SUN2: variants seen among roughly 807,000 people sequenced by gnomAD.
SUN2 encodes SUN domain-containing protein 2.
Under a neutral mutation model 100.0 loss-of-function variants are expected in SUN2, and 60 were observed. That is an observed-to-expected ratio of 0.60 (90% confidence interval 0.49 to 0.74). The LOEUF (loss-of-function observed/expected upper bound fraction) is 0.74. SUN2 is among the 30% of genes least tolerant of loss of function. The pLI, the probability that SUN2 is intolerant of heterozygous loss-of-function variation, is 0.00. For synonymous variants in SUN2, 367 were observed against 403.3 expected (o/e 0.91, Z 1.08); for missense variants, 834 against 954.6 (o/e 0.87, Z 1.66).
chr22:38,754,905 T>A, intron 1 of SUN2: 1 of 1,289,210 alleles, frequency 7.8e-7, no homozygotes, highest in South Asian at 1.2e-5. Context: ...TACCATTGAG[T>A]CTGGGTTTCA....
chr22:38,739,296 T>C lies in SUN2; in HGVS notation c.1663+46A>G. Reference sequence around the variant, plus strand: ...CTGGTAGATGCCAGGGGACCGGCCATTGCGGGGTCCAGGACAAGGCAGAGC... The same window carrying C: ...CTGGTAGATGCCAGGGGACCGGCCACTGCGGGGTCCAGGACAAGGCAGAGC... On this transcript the variant is annotated intron_variant, in intron 14 of 17. Coordinates refer to ENST00000689035, the MANE Select transcript of SUN2 (RefSeq NM_015374.3). This position sits in a 1 kb window ranked among gnomAD's most constrained non-coding sequence, Gnocchi z 6.7. 1.3e-6 allele frequency: 2 copies of C among 1,594,388 alleles called. No individual in the cohort carries two copies. The highest frequency in any genetic ancestry group is 4.5e-5 in the East Asian group (2 of 44,786).
In SUN2 at chr22:38,740,713, G is replaced by A. The variant is rs1306200755; in HGVS notation, c.1191-281C>T. On this transcript the variant is annotated intron_variant, in intron 11 of 17. Coordinates refer to ENST00000689035, the MANE Select transcript of SUN2 (RefSeq NM_015374.3). This position sits in a 1 kb window ranked among gnomAD's most constrained non-coding sequence, Gnocchi z 4.8. ...ATCCTCCACAAGCATGGACATCTGG[G>A]GCATGAGAAGGCAGTTATGTGAGGC... The A allele has an allele frequency of 1.4e-5, 8 of 583,386 alleles. No homozygotes were observed. Among genetic ancestry groups the A allele is most frequent in the African/African-American group, 3.7e-5 (2 of 53,578 alleles). 36.1% of individuals were successfully genotyped at this position (583,386 alleles called of 1,614,324 possible).
chr22:38,754,251 G>A (rs909305739), intron 1 of SUN2, among the ~76,000 whole-genome samples: 1 of 152,196 alleles, frequency 6.6e-6, no homozygotes, highest in African/African-American at 2.4e-5. Flanking sequence ...CTGCTGGCCC[G>A]TACAACAAAG....
intron 1 of SUN2, chr22:38,754,619 T>TGGGGGG: frequency 2.3e-6 from 1 of 441,844 alleles, no homozygotes; most frequent in Non-Finnish European, 3.7e-6. Context: ...CCCCCCTCCC[T>TGGGGGG]GCCCCGCCCG....
chr22:38,742,105 TGCACTCCAG>T (rs939862132), intron 9 of SUN2, among the ~76,000 whole-genome samples, 187 bp downstream of exon 9: 2 of 150,606 alleles, frequency 1.3e-5, no homozygotes, highest in Non-Finnish European at 2.9e-5. Flanking sequence ...ATCACGCCAC[TGCACTCCAG>T]GCTGGGTGAC....
intron 1 of SUN2, chr22:38,754,603 T>TGGGGGGGGGGCCGG: frequency 1.1e-6 from 1 of 889,150 alleles, no homozygotes; most frequent in Non-Finnish European, 1.6e-6. Flanking sequence ...TAAGGTAATC[T>TGGGGGGGGGGCCGG]CCCCTCCCCC....
chr22:38,746,246 G>A (rs903004923), intron 7 of SUN2, among the ~76,000 whole-genome samples: 1 of 152,142 alleles, frequency 6.6e-6, no homozygotes, highest in Non-Finnish European at 1.5e-5. Flanking sequence ...AGGTGAGTTT[G>A]TAAAGCTTCC....
chr22:38,736,531 C>T, intron 17 of SUN2, 151 bp from the exon 18 acceptor site: 2 of 581,876 alleles, frequency 3.4e-6, no homozygotes, highest in South Asian at 4.8e-5. Context: ...TCAAAAGCTC[C>T]TATCTTTAGC....
rs750919858 is a variant in SUN2, at chr22:38,750,254, G to A, written c.491C>T (p.Ser164Phe). Residue 164 changes from serine (S) to phenylalanine (F), a missense_variant, in exon 5 of 18, where the codon TCC (serine) becomes TTC (phenylalanine). By Grantham distance (155) the Ser-to-Phe change is radical. This residue lies in a region of SUN2 where 559 missense variants were observed against 597.7 expected (regional missense o/e 0.94). Coordinates refer to ENST00000689035, the MANE Select transcript of SUN2 (RefSeq NM_015374.3). The stretch of plus-strand genomic sequence containing the variant: ...CGAAGTGGCCACCATCCAGAGTAAG[G>A]AGCCCGCCCGTGAGACGGCGCTTCG... ...RLRSAVSRAGSLLWMVATSPG... is the reference protein window; with the variant it reads ...RLRSAVSRAGFLLWMVATSPG... The A allele has an allele frequency of 1.9e-6, 3 of 1,613,710 alleles. No individual in the cohort carries two copies. The highest frequency in any genetic ancestry group is 1.7e-5 in the Admixed American group (1 of 60,028).
At position 38,736,259 on chromosome 22, in the gene SUN2, A is replaced by G. The variant is rs1255819599; in HGVS notation, c.*8T>C. On this transcript the variant is annotated 3_prime_UTR_variant, in exon 18 of 18. Transcript: ENST00000689035. Reference sequence around the variant, plus strand: ...CAGATGGCTGGCAGCAGGCACCAGTAAGCAGGGCTAGTGGGCGGGCTCCCC... The same window carrying G: ...CAGATGGCTGGCAGCAGGCACCAGTGAGCAGGGCTAGTGGGCGGGCTCCCC... 2.5e-6 allele frequency: 4 copies of G among 1,609,388 alleles called. No individual in the cohort carries two copies. The highest frequency in any genetic ancestry group is 3.4e-6 in the Non-Finnish European group (4 of 1,177,244).
In SUN2 at chr22:38,738,148, C is replaced by A. The variant is rs1273324793; in HGVS notation, c.2040+25G>T. ...CCTGGATGGGGAGTCTGCGCCACTTCTGCTAGCACAGCAGCATCCCGTACC... is the reference window on the plus strand; with the variant it reads ...CCTGGATGGGGAGTCTGCGCCACTTATGCTAGCACAGCAGCATCCCGTACC... On this transcript the variant is annotated intron_variant, in intron 17 of 17. Transcript: ENST00000689035. This position sits in a 1 kb window ranked among gnomAD's most constrained non-coding sequence, Gnocchi z 6.6. The A allele has an allele frequency of 6.2e-7, 1 of 1,609,752 alleles. No individual in the cohort carries two copies. Among genetic ancestry groups the A allele is most frequent in the Non-Finnish European group, 8.5e-7 (1 of 1,176,430 alleles).
Position 38,752,658 on chromosome 22 carries a change from A to AAG in SUN2, c.-32_-31dup. On this transcript the variant is annotated 5_prime_UTR_variant, in exon 2 of 18. Coordinates refer to ENST00000689035, the MANE Select transcript of SUN2 (RefSeq NM_015374.3). ...AGGTGGGATGTGGACTCTTCCCCTGAAGAGAATCTAAGGAGAGAGAGGAGG... is the reference window on the plus strand; with the variant it reads ...AGGTGGGATGTGGACTCTTCCCCTGAAGAGAGAATCTAAGGAGAGAGAGGAGG... 6.2e-7 allele frequency: 1 copy of AAG among 1,610,450 alleles called. No individual in the cohort carries two copies.
chr22:38,745,822 G>A lies in SUN2; in HGVS notation c.686-11C>T, dbSNP rs368375239. ...AGAAATACCAAGCACCTGTGCACAGGGGAGAGGGTGTTACCCCAGCTGGGC... is the reference window on the plus strand; with the variant it reads ...AGAAATACCAAGCACCTGTGCACAGAGGAGAGGGTGTTACCCCAGCTGGGC... On this transcript the variant is annotated splice_polypyrimidine_tract_variant and intron_variant, in intron 7 of 17. Coordinates refer to ENST00000689035, the MANE Select transcript of SUN2 (RefSeq NM_015374.3). 16 of 1,612,766 alleles carry A rather than the reference G, an allele frequency of 9.9e-6. No homozygotes were observed. The highest frequency in any genetic ancestry group is 1.4e-5 in the Non-Finnish European group (16 of 1,179,480).
intron 1 of SUN2, among the ~76,000 whole-genome samples, 152 bp from the exon 2 acceptor site, chr22:38,752,817 T>TG (rs1334703723): frequency 6.6e-6 from 1 of 151,864 alleles, no homozygotes; most frequent in East Asian, 1.9e-4. Flanking sequence ...ACAGCCCTGA[T>TG]GGGGGGCAAG....
chr22:38,753,707 A>C (rs1020966398), intron 1 of SUN2, among the ~76,000 whole-genome samples: 3 of 152,052 alleles, frequency 2.0e-5, no homozygotes, highest in African/African-American at 7.3e-5. Flanking sequence ...TACCTCATTT[A>C]TATTATTAGA....
rs60713451 is a variant in SUN2 at position 38,752,791 on chromosome 22, C to A, written c.-37-126G>T. 0.01 allele frequency: 11,748 copies of A among 1,120,344 alleles called. 938 individuals carry two copies. In the African/African-American group the frequency reaches 0.17, roughly 16 times the overall value. The allele number at this position is 1,120,344 out of a possible 1,614,324, so 69.4% of individuals were successfully genotyped here. Reference sequence around the variant, plus strand: ...AGACCACCCCCCCGGCCCCCGGCCCCCGGCGTTCAGTCTAAACAGCCCTGA... The same window carrying A: ...AGACCACCCCCCCGGCCCCCGGCCCACGGCGTTCAGTCTAAACAGCCCTGA... On this transcript the variant is annotated intron_variant, in intron 1 of 17. Coordinates refer to ENST00000689035, the MANE Select transcript of SUN2 (RefSeq NM_015374.3).
chr22:38,745,604 A>G, intron 8 of SUN2, 80 bp downstream of exon 8: 1 of 1,565,030 alleles, frequency 6.4e-7, no homozygotes, highest in Non-Finnish European at 8.7e-7. Context: ...GGTGTGAGGC[A>G]GGCTGAGGGC....
intron 1 of SUN2, among the ~76,000 whole-genome samples, chr22:38,754,412 C>T (rs1056063597): frequency 6.6e-6 from 1 of 152,208 alleles, no homozygotes; most frequent in African/African-American, 2.4e-5. Context: ...TCTGGTTAGT[C>T]CAGCTAGAAA....
intron 9 of SUN2, among the ~76,000 whole-genome samples, chr22:38,741,850 A>T (rs536261505): frequency 2.0e-5 from 3 of 152,224 alleles, no homozygotes; most frequent in Non-Finnish European, 2.9e-5. Flanking sequence ...GGCTTAGAGA[A>T]GGTGAGGAGG....
Sources: gnomAD v4.1 joint callset for allele counts (sites outside exome capture counted in the v4.1 genomes callset) on GRCh38, gnomAD v4.1.1 for gene constraint, gnomAD v4.1.1 regional missense constraint, Gnocchi (gnomAD v3.1) non-coding constraint, MANE v1.5 for transcripts, NCBI Gene and HGNC (gene_info 2026-07-23, HGNC 2026-07-21) for gene names.